The following AFG2A variants were observed in gnomAD, a reference collection of about 807,000 sequenced individuals.
The protein encoded by AFG2A is AAA ATPase AFG2A.
the AFG2A span, among the ~76,000 whole-genome samples, chr4:123,111,610 A>G: frequency 6.6e-6 from 1 of 152,196 alleles, no homozygotes; most frequent in Non-Finnish European, 1.5e-5. Flanking sequence ...TAGATCAAAT[A>G]TAGATAGCCA....
the AFG2A span, among the ~76,000 whole-genome samples, chr4:123,086,408 A>G: frequency 6.6e-6 from 1 of 152,192 alleles, no homozygotes; most frequent in East Asian, 1.9e-4. Context: ...GCTCTTCTGT[A>G]AGTAAGGTGG....
chr4:123,010,899 C>T, the AFG2A span, among the ~76,000 whole-genome samples: 1 of 152,232 alleles, frequency 6.6e-6, no homozygotes, highest in Admixed American at 6.5e-5. Flanking sequence ...CTCATACCCC[C>T]AGCTATTACA....
chr4:122,958,109 G>T, the AFG2A span, among the ~76,000 whole-genome samples: 1 of 152,110 alleles, frequency 6.6e-6, no homozygotes, highest in Non-Finnish European at 1.5e-5. Flanking sequence ...GCTTTGCGCT[G>T]AGGAAAGAAC....
chr4:123,023,387 A>T, the AFG2A span, among the ~76,000 whole-genome samples: 6 of 152,230 alleles, frequency 3.9e-5, no homozygotes, highest in East Asian at 9.7e-4. Context: ...AAAAAGAAAA[A>T]AATAATAATG....
the AFG2A span, among the ~76,000 whole-genome samples, chr4:122,986,144 A>G: frequency 6.6e-6 from 1 of 152,044 alleles, no homozygotes; most frequent in Admixed American, 6.5e-5. Context: ...AGAGTGCTTG[A>G]TATAATTTCA....
At chr4:123,158,702 A>G in the AFG2A span, among the ~76,000 whole-genome samples, 1 of 152,144 alleles carries the variant, frequency 6.6e-6, no homozygotes, top group Non-Finnish European at 1.5e-5. Context: ...AGCACAATAA[A>G]TCTCCCCTAA....
At chr4:123,037,976 T>A in the AFG2A span, among the ~76,000 whole-genome samples, 2 of 152,202 alleles carry the variant, frequency 1.3e-5, no homozygotes, top group East Asian at 3.9e-4. Flanking sequence ...AGCCTCTTTG[T>A]ACTTTGCCTC....
chr4:123,210,125 A>G, the AFG2A span, among the ~76,000 whole-genome samples: 1 of 152,206 alleles, frequency 6.6e-6, no homozygotes, highest in Non-Finnish European at 1.5e-5. Flanking sequence ...GTATATATTT[A>G]TGGTGTGTAT....
the AFG2A span, among the ~76,000 whole-genome samples, chr4:123,056,206 A>G: frequency 6.6e-6 from 1 of 152,212 alleles, no homozygotes; most frequent in Non-Finnish European, 1.5e-5. Flanking sequence ...GGTTTTTGGA[A>G]TGTAGAATGG....
the AFG2A span, among the ~76,000 whole-genome samples, chr4:123,182,305 G>C: frequency 1.8e-4 from 28 of 152,238 alleles, no homozygotes; most frequent in Admixed American, 1.7e-3. Flanking sequence ...ATTCTTCATA[G>C]TATAGCATCT....
At chr4:123,163,266 T>C in the AFG2A span, among the ~76,000 whole-genome samples, 2 of 152,174 alleles carry the variant, frequency 1.3e-5, no homozygotes, top group Non-Finnish European at 2.9e-5. Context: ...AAACCCCGTC[T>C]CTACTAAAAA....
the AFG2A span, among the ~76,000 whole-genome samples, chr4:122,989,956 A>G: frequency 3.0e-4 from 45 of 152,142 alleles, no homozygotes; most frequent in African/African-American, 8.9e-4. Flanking sequence ...TCCTGAGTTT[A>G]GTTGATCCTC....
the AFG2A span, among the ~76,000 whole-genome samples, chr4:122,967,222 G>A: frequency 2.6e-5 from 4 of 152,220 alleles, no homozygotes; most frequent in East Asian, 7.7e-4. Context: ...GGGCAATGTA[G>A]CAAGGCTCTG....
At chr4:123,181,086 G>A in the AFG2A span, among the ~76,000 whole-genome samples, 9 of 149,904 alleles carry the variant, frequency 6.0e-5, no homozygotes, top group Middle Eastern at 3.2e-3. Flanking sequence ...CCAGGTTCAC[G>A]CCATTCTTCT....
At chr4:123,133,489 CGTGT>C in the AFG2A span, among the ~76,000 whole-genome samples, 20 of 148,130 alleles carry the variant, frequency 1.4e-4, no homozygotes, top group African/African-American at 2.5e-4. Flanking sequence ...TAGGCGTGTG[CGTGT>C]GTGTGTGTGT....
chr4:123,244,168 G>A, the AFG2A span, among the ~76,000 whole-genome samples: 1 of 152,108 alleles, frequency 6.6e-6, no homozygotes, highest in African/African-American at 2.4e-5. Flanking sequence ...GCACTGAACA[G>A]CCAAAGCAGG....
chr4:122,968,241 G>GT, the AFG2A span, among the ~76,000 whole-genome samples: 116 of 151,486 alleles, frequency 7.7e-4, no homozygotes, highest in Admixed American at 3.9e-3. Context: ...TTTATTTATA[G>GT]TTTTTTTTTA....
At chr4:123,163,319 C>T in the AFG2A span, among the ~76,000 whole-genome samples, 2 of 152,206 alleles carry the variant, frequency 1.3e-5, no homozygotes, top group African/African-American at 4.8e-5. Context: ...GCCTGTAATC[C>T]CAACTACTCG....
At chr4:123,185,685 T>C in the AFG2A span, among the ~76,000 whole-genome samples, 5 of 152,212 alleles carry the variant, frequency 3.3e-5, no homozygotes, top group Non-Finnish European at 7.3e-5. Flanking sequence ...TTTTTTCTTA[T>C]ACATGAAGGA....
Sources: gnomAD v4.1 joint callset for allele counts (sites outside exome capture counted in the v4.1 genomes callset) on GRCh38, gnomAD v4.1.1 for gene constraint, MANE v1.5 for transcripts, NCBI Gene and HGNC (gene_info 2026-07-23, HGNC 2026-07-21) for gene names.